The following CCDC91 variants were observed in gnomAD, a reference collection of about 807,000 sequenced individuals.
CCDC91 encodes coiled-coil domain containing 91.
In CCDC91, 48 loss-of-function variants were observed where a neutral mutation model predicts 63.2. The observed-to-expected ratio is 0.76, with a 90% confidence interval of 0.60 to 0.97. CCDC91 has a LOEUF of 0.97. Among genes scored for constraint, CCDC91 ranks in the 50% least tolerant of loss-of-function variants. CCDC91 has a pLI of 0.00. For synonymous variants in CCDC91, 167 were observed against 165.8 expected, an observed-to-expected ratio of 1.01 and a Z score of -0.06; for missense variants, 500 against 494.6, an observed-to-expected ratio of 1.01 and a Z score of -0.10.
chr12:28,527,748 G>A (rs1438777286), intron 12 of CCDC91, among the ~76,000 whole-genome samples: 1 of 152,172 alleles, frequency 6.6e-6, no homozygotes, highest in Non-Finnish European at 1.5e-5. Context: ...CCTGGGCTTG[G>A]ACTCTACTTG....
intron 12 of CCDC91, chr12:28,505,286 A>G (rs1450133516): frequency 2.0e-5 from 3 of 151,922 alleles, no homozygotes; most frequent in African/African-American, 7.2e-5. Flanking sequence ...ATCCCATCTT[A>G]CTGGCTTCTT....
In CCDC91 at chr12:28,549,145, T is replaced by C. The variant is rs1469075683; in HGVS notation, c.1298T>C (p.Ile433Thr). 3 of 1,610,672 alleles carry C rather than the reference T, an allele frequency of 1.9e-6. No homozygotes were observed. Among genetic ancestry groups the C allele is most frequent in the Admixed American group, 1.7e-5 (1 of 59,920 alleles). Reference protein sequence around the residue: ...SCAQKQLSALIATEPVDIE With the variant: ...SCAQKQLSALTATEPVDIE ...GCACAGAAACAGTTAAGTGCTTTAA[T>C]AGCTACGGAACCAGTTGACATTGAA... The change falls in exon 13 of 13, where the codon ATA (isoleucine) becomes ACA (threonine). Residue 433 changes from isoleucine (I) to threonine (T), a missense_variant. Coordinates refer to ENST00000536442, the MANE Select transcript of CCDC91 (RefSeq NM_018318.5).
chr12:28,505,712 A>C (rs1201258254), intron 12 of CCDC91, among the ~76,000 whole-genome samples: 2 of 151,964 alleles, frequency 1.3e-5, no homozygotes, highest in Non-Finnish European at 2.9e-5. Context: ...ACAGAAGTGA[A>C]GCCAAAAATA....
At chr12:28,226,414 T>G (rs1030522121) in intron 1 of CCDC91, among the ~76,000 whole-genome samples, 4 of 152,186 alleles carry the variant, frequency 2.6e-5, no homozygotes, top group African/African-American at 9.7e-5. Flanking sequence ...TGACATATGT[T>G]AGATCTGTCT....
At chr12:28,515,908 AT>A (rs1393240195) in intron 12 of CCDC91, among the ~76,000 whole-genome samples, 4 of 151,878 alleles carry the variant, frequency 2.6e-5, no homozygotes, top group Admixed American at 2.6e-4. Flanking sequence ...AGTCACTACT[AT>A]CCCCTCAAAG....
intron 6 of CCDC91, among the ~76,000 whole-genome samples, chr12:28,317,175 A>T (rs1333930082): frequency 6.6e-6 from 1 of 151,940 alleles, no homozygotes; most frequent in African/African-American, 2.4e-5. Flanking sequence ...TCACCTGTTC[A>T]TATTTTGGCA....
intron 12 of CCDC91, among the ~76,000 whole-genome samples, chr12:28,538,865 G>A (rs1227723953): frequency 6.6e-6 from 1 of 152,182 alleles, no homozygotes; most frequent in Admixed American, 6.5e-5. Context: ...CAGTGATGAT[G>A]AGCATATTTT....
chr12:28,351,681 T>G (rs1375726598), intron 6 of CCDC91, among the ~76,000 whole-genome samples: 1 of 152,114 alleles, frequency 6.6e-6, no homozygotes, highest in African/African-American at 2.4e-5. Context: ...TCCTCCTTTT[T>G]TTTTTTTTCT....
chr12:28,290,343 T>C (rs1005837940), intron 3 of CCDC91, among the ~76,000 whole-genome samples: 1 of 152,204 alleles, frequency 6.6e-6, no homozygotes, highest in African/African-American at 2.4e-5. Flanking sequence ...TTTTCTGATT[T>C]CCATTTGCTT....
In CCDC91 at chr12:28,249,510, T is replaced by TA. The variant is rs768564588; in HGVS notation, c.-14-7686dup. Among the ~76,000 whole-genome samples the TA allele has an allele frequency of 1.6e-4, 24 of 152,274 alleles. No individual in the cohort carries two copies. The South Asian group carries it at 2.1e-3, about 13-fold the overall frequency. On this transcript the variant is annotated intron_variant, in intron 1 of 12. Transcript: ENST00000536442. ...CCCATCTGGTCACAGGCAGAATAGC[T>TA]AAAAAACAAGTCTCTGTGCTTAAAG...
intron 3 of CCDC91, among the ~76,000 whole-genome samples, chr12:28,277,390 A>G (rs1287198710): frequency 1.3e-5 from 2 of 152,050 alleles, no homozygotes; most frequent in African/African-American, 4.8e-5. Flanking sequence ...ACTTTTAGCT[A>G]ATTCAGTTAT....
intron 8 of CCDC91, among the ~76,000 whole-genome samples, chr12:28,411,675 A>T (rs1315087399): frequency 1.3e-5 from 2 of 152,196 alleles, no homozygotes; most frequent in African/African-American, 4.8e-5. Context: ...GATGGACTGT[A>T]TATAAGATGG....
In CCDC91 at chr12:28,356,595, C is replaced by A. The variant is rs80347840; in HGVS notation, c.577-5843C>A. ...TCTGCCTTCTCCAATACAGTGGATT[C>A]GTTGTTGTGAAAGGGATGTAATCTT... On this transcript the variant is annotated intron_variant, in intron 6 of 12. Transcript: ENST00000536442. 9.2e-3 allele frequency among the ~76,000 whole-genome samples: 1,402 copies of A among 152,186 alleles called. 27 individuals carry two copies. The highest frequency in any genetic ancestry group is 0.032 in the African/African-American group (1,330 of 41,538).
chr12:28,382,888 A>C (rs1013009899), intron 7 of CCDC91, among the ~76,000 whole-genome samples: 11 of 151,936 alleles, frequency 7.2e-5, no homozygotes, highest in African/African-American at 2.7e-4. Context: ...CTTTTTTTAA[A>C]CTGAAACTGT....
chr12:28,219,672 A>G (rs1943805313), intron 1 of CCDC91, among the ~76,000 whole-genome samples: 1 of 151,844 alleles, frequency 6.6e-6, no homozygotes, highest in African/African-American at 2.4e-5. Context: ...ACGGGGTTTC[A>G]CTGTGCTAGC....
chr12:28,421,067 C>T (rs936733237), intron 8 of CCDC91, among the ~76,000 whole-genome samples: 3 of 152,006 alleles, frequency 2.0e-5, no homozygotes, highest in Admixed American at 6.6e-5. Flanking sequence ...TTTTTCTCTT[C>T]ATCTTATTGT....
intron 3 of CCDC91, among the ~76,000 whole-genome samples, chr12:28,302,206 T>C (rs536905538): frequency 1.9e-4 from 29 of 152,092 alleles, no homozygotes; most frequent in Middle Eastern, 3.4e-3. Context: ...TGTCACTATT[T>C]CTTAGAAATC....
At chr12:28,331,849 C>T (rs930718309) in intron 6 of CCDC91, among the ~76,000 whole-genome samples, 2 of 151,976 alleles carry the variant, frequency 1.3e-5, no homozygotes, top group Admixed American at 6.6e-5. Flanking sequence ...TTATGAAATA[C>T]GTAAAAATAT....
At chr12:28,355,630 T>C (rs1218885334) in intron 6 of CCDC91, among the ~76,000 whole-genome samples, 1 of 152,200 alleles carries the variant, frequency 6.6e-6, no homozygotes, top group African/African-American at 2.4e-5. Context: ...AAAATTGTCA[T>C]TTCTGGGGTT....
Sources: allele counts gnomAD v4.1 joint callset (sites outside exome capture counted in the v4.1 genomes callset), GRCh38; gene constraint gnomAD v4.1.1; transcripts MANE v1.5; gene names NCBI Gene and HGNC (gene_info 2026-07-23, HGNC 2026-07-21).